IFT88: variants seen among roughly 807,000 people sequenced by gnomAD.
IFT88 encodes the protein intraflagellar transport 88.
In IFT88, 74 loss-of-function variants were observed where a neutral mutation model predicts 119.5. The observed-to-expected ratio is 0.62, with a 90% CI of 0.51 to 0.75. The LOEUF (loss-of-function observed/expected upper bound fraction) is 0.75, where lower values mean the gene tolerates loss of function less well. IFT88 is among the 30% of genes least tolerant of loss of function. The pLI, the probability that IFT88 is intolerant of heterozygous loss-of-function variation, is 0.00. For missense variants in IFT88, 961 were observed against 977.7 expected, an observed-to-expected ratio of 0.98 and a Z score of 0.23; for synonymous variants, 279 against 316.7, an observed-to-expected ratio of 0.88 and a Z score of 1.26.
At chr13:20,615,971 G>A in intron 14 of IFT88, 92 bp downstream of exon 14, 1 of 603,596 alleles carries the variant, frequency 1.7e-6, no homozygotes, top group Non-Finnish European at 2.7e-6. Context: ...TAGAAAAGTG[G>A]ATATGAATGT....
At position 20,590,983 on chromosome 13, in the gene IFT88, C is replaced by G. The variant is rs1362158346; in HGVS notation, c.227C>G (p.Ala76Gly). ...ATGYGSKTSL[A>G]SSIGRPMTGA... ...GTTTACTAGTCCAAGACATCTCTGG[C>G]ATCATCAATAGGAAGACCAATGACA... is the stretch of plus-strand genomic sequence containing the variant. The change falls in exon 5 of 26, where the codon GCA (alanine) becomes GGA (glycine). Residue 76 changes from alanine to glycine, a missense_variant. By Grantham distance (60) the Ala-to-Gly change is moderately conservative. Transcript: ENST00000351808. The G allele has an allele frequency of 6.2e-7, 1 of 1,608,360 alleles. No homozygotes were observed. Among genetic ancestry groups the G allele is most frequent in the Non-Finnish European group, 8.5e-7 (1 of 1,176,232 alleles).
intron 6 of IFT88, 47 bp downstream of exon 6, chr13:20,591,728 C>G: frequency 3.2e-6 from 4 of 1,234,304 alleles, no homozygotes; most frequent in Non-Finnish European, 4.7e-6. Flanking sequence ...ATCTTTTAAT[C>G]TTTTATCATT....
At chr13:20,571,430 A>G (rs1398171791) in intron 1 of IFT88, among the ~76,000 whole-genome samples, 8 of 150,736 alleles carry the variant, frequency 5.3e-5, no homozygotes, top group Non-Finnish European at 7.4e-5. Context: ...GCCTTCCTCC[A>G]CCTCCCACCC....
chr13:20,661,734 TAAA>T (rs10544629), intron 22 of IFT88, among the ~76,000 whole-genome samples: 4 of 143,786 alleles, frequency 2.8e-5, no homozygotes, highest in African/African-American at 7.6e-5. Flanking sequence ...GACTCCATCT[TAAA>T]AAAAAAAAAA....
intron 24 of IFT88, among the ~76,000 whole-genome samples, chr13:20,687,040 A>G (rs890487298): frequency 6.6e-6 from 1 of 151,006 alleles, no homozygotes; most frequent in Non-Finnish European, 1.5e-5. Context: ...AAAAAAAAAA[A>G]AAAAAAAAAC....
rs2043733041 is a variant in IFT88 at position 20,607,611 on chromosome 13, G to A, written c.1112+2506G>A. ...CCATCTCCCGCTGCTCAACATCTTG[G>A]GCTGCCACGCTGTTTTTTTATGATC... On this transcript the variant is annotated intron_variant, in intron 13 of 25. Transcript: ENST00000351808. The A allele has an allele frequency of 1.4e-5, 11 of 769,304 alleles. No homozygotes were observed. In the Admixed American group the frequency reaches 2.0e-4, roughly 14 times the overall value. The allele number at this position is 769,304 out of a possible 1,614,324, so 47.7% of individuals were successfully genotyped here.
chr13:20,666,024 A>G (rs2054613522), intron 23 of IFT88, among the ~76,000 whole-genome samples: 1 of 152,254 alleles, frequency 6.6e-6, no homozygotes, highest in Admixed American at 6.5e-5. Flanking sequence ...ATTTACGGTC[A>G]GCCAGTCTTC....
chr13:20,621,529 A>T (rs1420724574), intron 14 of IFT88, among the ~76,000 whole-genome samples: 15 of 14,138 alleles, frequency 1.1e-3, no homozygotes, highest in African/African-American at 2.0e-3. Context: ...GCTGAGATAA[A>T]AAAAAAAAAA....
At chr13:20,596,324 A>T in intron 8 of IFT88, 84 bp downstream of exon 8, 1 of 493,048 alleles carries the variant, frequency 2.0e-6, no homozygotes, top group Non-Finnish European at 3.6e-6. Flanking sequence ...GTATAGACAA[A>T]TATTTTTGTT....
intron 20 of IFT88, among the ~76,000 whole-genome samples, chr13:20,650,069 A>AT (rs1002438832): frequency 6.6e-6 from 1 of 151,894 alleles, no homozygotes; most frequent in African/African-American, 2.4e-5. Context: ...AATTCACACC[A>AT]TTTTTTTTCA....
At chr13:20,601,478 A>G (rs2042583961) in intron 11 of IFT88, among the ~76,000 whole-genome samples, 1 of 152,210 alleles carries the variant, frequency 6.6e-6, no homozygotes. Flanking sequence ...TAAAATAAGG[A>G]TGTGGTTATA....
rs560202607 is a variant in IFT88 at position 20,574,439 on chromosome 13, C to T, written c.54C>T (p.Ser18=). The change falls in exon 2 of 26, where the codon TCC becomes TCT. Residue 18 remains serine (S), a synonymous_variant. Transcript: ENST00000351808. The part of the protein sequence containing the change: ...APETDEDDLY[S]GYNDYNPIYD... ...AGACAGATGAAGATGATCTTTATTC[C>T]GGCTATAATGACTACAATCCAATCT... The T allele has an allele frequency of 2.5e-5, 40 of 1,610,126 alleles. 1 individual carries two copies. Among genetic ancestry groups the T allele is most frequent in the South Asian group, 2.1e-4 (19 of 90,584 alleles).
intron 17 of IFT88, among the ~76,000 whole-genome samples, chr13:20,639,821 C>T (rs1320571735): frequency 2.5e-4 from 29 of 117,806 alleles, no homozygotes; most frequent in African/African-American, 8.4e-4. Context: ...CTGAGTCTTG[C>T]TCTGTCGTCT....
intron 24 of IFT88, among the ~76,000 whole-genome samples, chr13:20,687,036 A>AC (rs2058005055): frequency 6.6e-6 from 1 of 150,814 alleles, no homozygotes; most frequent in African/African-American, 2.4e-5. Flanking sequence ...AAAAAAAAAA[A>AC]AAAAAAAAAA....
intron 7 of IFT88, among the ~76,000 whole-genome samples, chr13:20,595,153 A>G (rs1041672393): frequency 3.9e-5 from 6 of 152,320 alleles, no homozygotes; most frequent in South Asian, 4.1e-4. Context: ...AGTGTCAACT[A>G]CTCAGGAGGC....
At chr13:20,593,275 G>T (rs1453410091) in intron 7 of IFT88, among the ~76,000 whole-genome samples, 2 of 152,128 alleles carry the variant, frequency 1.3e-5, no homozygotes, top group African/African-American at 2.4e-5. Context: ...AACATTAACT[G>T]AGTCCTTGCT....
At chr13:20,689,384 G>A (rs931049342) in intron 24 of IFT88, among the ~76,000 whole-genome samples, 4 of 152,180 alleles carry the variant, frequency 2.6e-5, no homozygotes, top group African/African-American at 4.8e-5. Flanking sequence ...GTGAAATAAC[G>A]TTGTCGTATT....
At chr13:20,607,330 C>T (rs1007194744) in intron 13 of IFT88, 11 of 494,994 alleles carry the variant, frequency 2.2e-5, no homozygotes, top group Middle Eastern at 3.2e-4. Flanking sequence ...TGTCAGTGCA[C>T]GTCAGCTTCT....
At chr13:20,571,666 CA>C (rs1218127920) in intron 1 of IFT88, among the ~76,000 whole-genome samples, 1 of 152,110 alleles carries the variant, frequency 6.6e-6, no homozygotes, top group African/African-American at 2.4e-5. Context: ...GTCCAAAGAA[CA>C]AAGAGAAGGT....
Sources: allele counts gnomAD v4.1 joint callset (sites outside exome capture counted in the v4.1 genomes callset), GRCh38; gene constraint gnomAD v4.1.1; transcripts MANE v1.5; gene names NCBI Gene and HGNC (gene_info 2026-07-23, HGNC 2026-07-21).